The following PLCZ1 variants were observed in gnomAD, a reference collection of about 807,000 sequenced individuals.
The protein encoded by PLCZ1 is phospholipase C zeta 1, also known as 1-phosphatidylinositol 4,5-bisphosphate phosphodiesterase zeta-1.
A neutral mutation model predicts 76.8 loss-of-function variants in PLCZ1; 64 were observed. That is an observed-to-expected ratio of 0.83 (90% CI 0.68 to 1.03). PLCZ1 has a LOEUF of 1.03. Ranked by LOEUF, PLCZ1 falls within the 50% of genes least tolerant of loss-of-function variation. PLCZ1 has a pLI of 0.00. For missense variants in PLCZ1, 751 were observed against 713.7 expected, an observed-to-expected ratio of 1.05 and a Z score of -0.60; for synonymous variants, 248 against 230.8, an observed-to-expected ratio of 1.07 and a Z score of -0.68.
intron 12 of PLCZ1, among the ~76,000 whole-genome samples, chr12:18,689,233 TC>T (rs1421584818): frequency 1.3e-5 from 2 of 151,898 alleles, no homozygotes; most frequent in African/African-American, 4.8e-5. Flanking sequence ...AATAGACCCT[TC>T]CCAAAATGGA....
intron 11 of PLCZ1, among the ~76,000 whole-genome samples, chr12:18,695,634 A>G (rs1954864443): frequency 1.3e-5 from 2 of 152,120 alleles, no homozygotes; most frequent in Non-Finnish European, 2.9e-5. Flanking sequence ...CCTTGCCACA[A>G]TCCAGTAGAA....
intron 3 of PLCZ1, among the ~76,000 whole-genome samples, chr12:18,729,136 A>G (rs765396645): frequency 1.2e-3 from 178 of 152,070 alleles, no homozygotes; most frequent in Non-Finnish European, 8.1e-4. Flanking sequence ...TATAATTTCC[A>G]TGGTCTACCA....
Position 18,736,488 on chromosome 12 carries a change from A to G in PLCZ1, c.12-144T>C, listed in dbSNP as rs531677397. The G allele has an allele frequency of 3.0e-5, 36 of 1,211,100 alleles. No homozygotes were observed. In the South Asian group the frequency reaches 5.8e-4, roughly 19 times the overall value. The allele number at this position is 1,211,100 out of a possible 1,614,324, so 75.0% of individuals were successfully genotyped here. ...ATTATAGTATAATTGTATGATAAATATTTTTTAAAAAACAAAATTAAGTAG... is the reference window on the plus strand; with the variant it reads ...ATTATAGTATAATTGTATGATAAATGTTTTTTAAAAAACAAAATTAAGTAG... On this transcript the variant is annotated intron_variant, in intron 2 of 14. Transcript: ENST00000266505.
chr12:18,718,771 A>G (rs1245950751), intron 5 of PLCZ1, among the ~76,000 whole-genome samples: 1 of 152,084 alleles, frequency 6.6e-6, no homozygotes, highest in East Asian at 1.9e-4. Flanking sequence ...AACATTTTTT[A>G]CCTGGTTATT....
intron 3 of PLCZ1, 138 bp downstream of exon 3, chr12:18,736,083 C>T: frequency 1.1e-6 from 1 of 931,428 alleles, no homozygotes; most frequent in Non-Finnish European, 1.5e-6. Flanking sequence ...TACTGAAATG[C>T]TCTCCATCTT....
At chr12:18,699,749 CT>C in intron 10 of PLCZ1, 44 bp downstream of exon 10, 1 of 1,557,582 alleles carries the variant, frequency 6.4e-7, no homozygotes, top group Non-Finnish European at 8.9e-7. Context: ...AGCAGTGAAT[CT>C]AACTCATTTA....
intron 12 of PLCZ1, chr12:18,693,102 G>C (rs1225938871): frequency 2.6e-6 from 4 of 1,526,548 alleles, no homozygotes; most frequent in Admixed American, 3.3e-5. Context: ...CCCAATGTCA[G>C]TAGGAATCTT....
chr12:18,727,754 TTACTC>T (rs1958834558), intron 3 of PLCZ1, among the ~76,000 whole-genome samples: 1 of 152,158 alleles, frequency 6.6e-6, no homozygotes, highest in South Asian at 2.1e-4. Flanking sequence ...TCTAGAAAGA[TTACTC>T]TGGCAGCAGT....
intron 12 of PLCZ1, chr12:18,693,488 G>A (rs1196471308): frequency 1.9e-6 from 3 of 1,609,218 alleles, no homozygotes; most frequent in African/African-American, 2.7e-5. Context: ...GTTAGCCAAA[G>A]CAGTAGCAAA....
downstream of PLCZ1, among the ~76,000 whole-genome samples, chr12:18,678,385 C>T (rs543508075): frequency 1.3e-5 from 2 of 152,134 alleles, no homozygotes; most frequent in East Asian, 3.9e-4. Context: ...TAAAGCTTCA[C>T]GTTTGAAGTA....
chr12:18,665,630 T>A, the PLCZ1 span, among the ~76,000 whole-genome samples: 1 of 152,012 alleles, frequency 6.6e-6, no homozygotes, highest in East Asian at 1.9e-4. Context: ...CTGTCTGTAC[T>A]GAAAATACAA....
At chr12:18,670,970 C>G in the PLCZ1 span, among the ~76,000 whole-genome samples, 4 of 152,036 alleles carry the variant, frequency 2.6e-5, no homozygotes, top group Non-Finnish European at 5.9e-5. Context: ...ATCATGAGGT[C>G]AGGAGTTAGA....
chr12:18,687,177 C>T (rs1259953772), intron 13 of PLCZ1, among the ~76,000 whole-genome samples: 1 of 152,082 alleles, frequency 6.6e-6, no homozygotes, highest in Non-Finnish European at 1.5e-5. Flanking sequence ...CTTTCCAAAT[C>T]TTTTTCCATG....
chr12:18,727,546 A>C (rs933154853), intron 3 of PLCZ1, among the ~76,000 whole-genome samples: 2 of 152,164 alleles, frequency 1.3e-5, no homozygotes, highest in Non-Finnish European at 2.9e-5. Context: ...TGTTAAGATC[A>C]GAGCAAATGA....
At position 18,723,479 on chromosome 12, in the gene PLCZ1, T is replaced by C. The variant is rs1294261261; in HGVS notation, c.199A>G (p.Ile67Val). Reference protein sequence around the residue: ...IEEFRAIYRIITHREEIIEIF... With the variant: ...IEEFRAIYRIVTHREEIIEIF... ...TCAATAATTTCTTCTCTGTGCGTGA[T>C]AATTCGATAAATTGCTCTAAATTCT... Residue 67 changes from isoleucine (I) to valine (V), a missense_variant, in exon 4 of 15, where the codon ATC becomes GTC. Transcript: ENST00000266505. 6.2e-7 allele frequency: 1 copy of C among 1,613,052 alleles called. No homozygotes were observed. Among genetic ancestry groups the C allele is most frequent in the African/African-American group, 1.3e-5 (1 of 75,010 alleles).
chr12:18,676,066 T>C, the PLCZ1 span, among the ~76,000 whole-genome samples: 4 of 152,096 alleles, frequency 2.6e-5, no homozygotes, highest in East Asian at 3.9e-4. Flanking sequence ...CACGAGTCAA[T>C]AGACCTGTGT....
the PLCZ1 span, among the ~76,000 whole-genome samples, chr12:18,656,246 T>A: frequency 6.6e-6 from 1 of 151,972 alleles, no homozygotes; most frequent in African/African-American, 2.4e-5. Context: ...CTGGGCAACA[T>A]AGCAAGACCC....
the PLCZ1 span, among the ~76,000 whole-genome samples, chr12:18,659,012 T>C: frequency 6.6e-6 from 1 of 152,140 alleles, no homozygotes; most frequent in African/African-American, 2.4e-5. Context: ...TCAGTGCTTT[T>C]TGGAGCATGA....
chr12:18,698,811 A>G (rs1451411347), intron 10 of PLCZ1, among the ~76,000 whole-genome samples: 1 of 152,166 alleles, frequency 6.6e-6, no homozygotes, highest in Non-Finnish European at 1.5e-5. Flanking sequence ...TTATTTTTAA[A>G]TGTACAATAA....
Sources: allele counts gnomAD v4.1 joint callset (sites outside exome capture counted in the v4.1 genomes callset), GRCh38; gene constraint gnomAD v4.1.1; transcripts MANE v1.5; gene names NCBI Gene and HGNC (gene_info 2026-07-23, HGNC 2026-07-21).